Variants in PRR5 observed in about 807,000 individuals in gnomAD.
PRR5 encodes the protein proline-rich protein 5.
PRR5 carries 25 observed loss-of-function variants against 30.6 expected under a neutral mutation model. The observed-to-expected ratio is 0.82, with a 90% CI of 0.60 to 1.14. The LOEUF (loss-of-function observed/expected upper bound fraction) is 1.14. Among genes scored for constraint, PRR5 ranks in the 50% most tolerant of loss-of-function variants. The pLI is 0.00. For synonymous variants in PRR5, 286 were observed against 247.1 expected (o/e 1.16, Z -1.48); for missense variants, 600 against 547.1 (o/e 1.10, Z -0.96).
chr22:44,689,278 C>T (rs1018384164), intron 1 of PRR5, among the ~76,000 whole-genome samples: 2 of 152,126 alleles, frequency 1.3e-5, no homozygotes, highest in Non-Finnish European at 2.9e-5. Flanking sequence ...ACTCACGGGT[C>T]GTCTTTGGAG....
chr22:44,734,998 C>G, intron 6 of PRR5, 29 bp from the exon 7 acceptor site: 1 of 1,604,700 alleles, frequency 6.2e-7, no homozygotes, highest in South Asian at 1.1e-5. Context: ...GGTGCATGAC[C>G]CCCTACCCCC....
At chr22:44,677,151 C>T (rs922064136) in exon 1 of PRR5, 3 of 152,392 alleles carry the variant, frequency 2.0e-5, no homozygotes, top group Non-Finnish European at 2.9e-5. Flanking sequence ...CAGCCAAGGT[C>T]GCAGAGCAGA....
At chr22:44,715,503 G>C (rs1347326187) in intron 2 of PRR5, among the ~76,000 whole-genome samples, 2 of 152,206 alleles carry the variant, frequency 1.3e-5, no homozygotes. Context: ...GGTAAACTGA[G>C]GCCCAATACA....
chr22:44,712,783 G>T (rs1928455589), intron 1 of PRR5, among the ~76,000 whole-genome samples: 1 of 152,206 alleles, frequency 6.6e-6, no homozygotes, highest in African/African-American at 2.4e-5. Context: ...TGGAGCTGCA[G>T]CTAGGTCCTG....
chr22:44,730,663 C>T, intron 4 of PRR5: 1 of 1,041,322 alleles, frequency 9.6e-7, no homozygotes, highest in Non-Finnish European at 1.2e-6. Context: ...AAGCCCAGCT[C>T]CTATAGCCAG....
intron 1 of PRR5, chr22:44,679,924 T>A: frequency 1.3e-6 from 2 of 1,540,418 alleles, no homozygotes. Context: ...GGGAGGCAGG[T>A]GTATGGGTGA....
In PRR5 at chr22:44,705,717, C is replaced by T. The variant is rs150633147; in HGVS notation, c.134+3109C>T. Among the ~76,000 whole-genome samples the T allele has an allele frequency of 3.7e-3, 560 of 151,508 alleles. 6 individuals carry two copies. The highest frequency in any genetic ancestry group is 0.013 in the African/African-American group (536 of 41,276). ...TCAGCTCACTGCAACCTCCACCTCC[C>T]GGGTTCAAGTGATTCTCCTGTCGCA... is the stretch of plus-strand genomic sequence containing the variant. On this transcript the variant is annotated intron_variant, in intron 1 of 7. Coordinates refer to ENST00000336985, the MANE Select transcript of PRR5 (RefSeq NM_181333.4).
At chr22:44,708,023 C>T (rs1204650609) in intron 1 of PRR5, among the ~76,000 whole-genome samples, 1 of 152,118 alleles carries the variant, frequency 6.6e-6, no homozygotes, top group African/African-American at 2.4e-5. Flanking sequence ...GCTAGGGTGA[C>T]TGTCTTCAGC....
chr22:44,729,338 C>T (rs1399155522), intron 4 of PRR5: 2 of 984,222 alleles, frequency 2.0e-6, no homozygotes, highest in African/African-American at 1.7e-5. Context: ...CCTCAGCACT[C>T]GGATAAAGAA....
chr22:44,730,323 C>T, intron 4 of PRR5: 1 of 985,370 alleles, frequency 1.0e-6, no homozygotes, highest in Admixed American at 6.1e-5. Flanking sequence ...CAAGATCTCT[C>T]TCGCCAGTTG....
intron 4 of PRR5, among the ~76,000 whole-genome samples, chr22:44,729,150 C>T (rs1361223475): frequency 6.6e-6 from 1 of 152,180 alleles, no homozygotes; most frequent in Admixed American, 6.5e-5. Context: ...TCACGTGACC[C>T]AGCTGTGCTG....
chr22:44,713,687 C>G (rs1227402593), intron 1 of PRR5, among the ~76,000 whole-genome samples: 1 of 152,080 alleles, frequency 6.6e-6, no homozygotes, highest in Non-Finnish European at 1.5e-5. Context: ...CTTCCCATCA[C>G]ACCAGTCACG....
intron 5 of PRR5, among the ~76,000 whole-genome samples, 183 bp downstream of exon 5, chr22:44,732,004 C>T (rs576395094): frequency 3.3e-5 from 5 of 152,336 alleles, no homozygotes; most frequent in South Asian, 2.1e-4. Context: ...CAGATATGGA[C>T]GCCTCCCTCC....
In PRR5 at chr22:44,705,121, G is replaced by C. The variant is rs147548791; in HGVS notation, c.134+2513G>C. On this transcript the variant is annotated intron_variant, in intron 1 of 7. Coordinates refer to ENST00000336985, the MANE Select transcript of PRR5 (RefSeq NM_181333.4). The stretch of plus-strand genomic sequence containing the variant: ...CTGCTGTAACAAAGACCACAAACTC[G>C]GTGGCCTAAAACAGCAGAAATTTGT... Among the ~76,000 whole-genome samples, 136 of 152,226 alleles carry C rather than the reference G, an allele frequency of 8.9e-4. 1 individual carries two copies. The highest frequency in any genetic ancestry group is 3.2e-3 in the African/African-American group (133 of 41,534).
chr22:44,715,788 G>C (rs142072037), intron 2 of PRR5, among the ~76,000 whole-genome samples: 1 of 152,176 alleles, frequency 6.6e-6, no homozygotes, highest in South Asian at 2.1e-4. Context: ...GAGTGGCTGG[G>C]ACTACAGGTA....
At position 44,717,255 on chromosome 22, in the gene PRR5, G is replaced by A. The variant is rs574505832; in HGVS notation, c.215+2584G>A. On this transcript the variant is annotated intron_variant, in intron 2 of 7. Coordinates refer to ENST00000336985, the MANE Select transcript of PRR5 (RefSeq NM_181333.4). The stretch of plus-strand genomic sequence containing the variant: ...TGCCCAGGCTGGAGTGCAGTGGTGC[G>A]ATCTCAGCTCACTGCGACCTCCGCC... Among the ~76,000 whole-genome samples the A allele has an allele frequency of 3.1e-3, 446 of 145,894 alleles. 4 individuals carry two copies. The highest frequency in any genetic ancestry group is 0.026 in the Middle Eastern group (7 of 274).
rs191665150 is a variant in PRR5, at chr22:44,678,397, A to G, written c.-11+1157A>G. Reference sequence around the variant, plus strand: ...GAGTGCGATGGCGCAATCTCGGCTCACTGCAGCCTCTGCCTCCAGCAATTC... The same window carrying G: ...GAGTGCGATGGCGCAATCTCGGCTCGCTGCAGCCTCTGCCTCCAGCAATTC... On this transcript the variant is annotated intron_variant, in intron 1 of 8. Transcript: ENST00000006251. 1.8e-3 allele frequency among the ~76,000 whole-genome samples: 263 copies of G among 142,360 alleles called. 1 individual carries two copies. Among genetic ancestry groups the G allele is most frequent in the African/African-American group, 6.5e-3 (243 of 37,640 alleles). The allele number at this position is 142,360 out of a possible 152,430, so 93.4% of individuals were successfully genotyped here.
At chr22:44,704,707 A>T (rs991107097) in intron 1 of PRR5, among the ~76,000 whole-genome samples, 5 of 147,844 alleles carry the variant, frequency 3.4e-5, no homozygotes, top group African/African-American at 1.3e-4. Flanking sequence ...CCAGCGAGGT[A>T]TTACCAGCAC....
intron 6 of PRR5, among the ~76,000 whole-genome samples, chr22:44,733,003 TACTAC>T (rs1385322559): frequency 8.5e-6 from 1 of 118,186 alleles, no homozygotes; most frequent in Non-Finnish European, 2.0e-5. Context: ...CGCGCACACA[TACTAC>T]ACACGTGCAC....
Sources: allele counts gnomAD v4.1 joint callset (sites outside exome capture counted in the v4.1 genomes callset), GRCh38; gene constraint gnomAD v4.1.1; transcripts MANE v1.5; gene names NCBI Gene and HGNC (gene_info 2026-07-23, HGNC 2026-07-21).